Variants in CMTR1 observed in about 807,000 individuals in gnomAD.
CMTR1 encodes the protein cap methyltransferase 1.
CMTR1 carries 39 observed loss-of-function variants against 107.0 expected under a neutral mutation model. The observed-to-expected ratio is 0.36, with a 90% CI of 0.28 to 0.48. The LOEUF (loss-of-function observed/expected upper bound fraction) is 0.48, where lower values mean the gene tolerates loss of function less well. CMTR1 is among the 20% of genes least tolerant of loss of function. The probability of loss-of-function intolerance (pLI) is 0.99; values close to 1 mark genes in which losing one functional copy is unlikely to be tolerated. For missense variants in CMTR1, 672 were observed against 1,064.9 expected, an observed-to-expected ratio of 0.63 and a Z score of 5.14; for synonymous variants, 366 against 379.5, an observed-to-expected ratio of 0.96 and a Z score of 0.41.
intron 2 of CMTR1, among the ~76,000 whole-genome samples, chr6:37,443,352 T>C (rs1771713083): frequency 6.7e-6 from 1 of 150,114 alleles, no homozygotes; most frequent in Non-Finnish European, 1.5e-5. Context: ...TTTGACAATG[T>C]ACTTTCTTTT....
Position 37,472,737 on chromosome 6 carries a change from A to C in CMTR1, c.1689+250A>C, listed in dbSNP as rs1312211045. Among the ~76,000 whole-genome samples the C allele has an allele frequency of 6.6e-6, 1 of 152,218 alleles. No homozygotes were observed. Among genetic ancestry groups the C allele is most frequent in the African/African-American group, 2.4e-5 (1 of 41,460 alleles). ...CTTGGGCTCAGCATTCCTGCCACCC[A>C]AAGGGTGGTTCTGGCTGTGTCACCC... On this transcript the variant is annotated intron_variant, in intron 16 of 23. Transcript: ENST00000373451. This position sits in a 1 kb window ranked among gnomAD's most constrained non-coding sequence, Gnocchi z 4.1.
At chr6:37,469,614 G>A (rs1179101439) in intron 13 of CMTR1, among the ~76,000 whole-genome samples, 5 of 123,332 alleles carry the variant, frequency 4.1e-5, no homozygotes, top group South Asian at 2.9e-4. Context: ...TGCCACCTCC[G>A]CCTCTGGGGT....
Position 37,473,436 on chromosome 6 carries a change from A to G in CMTR1, c.1690-34A>G, listed in dbSNP as rs778134941. The stretch of plus-strand genomic sequence containing the variant: ...GGCACCCATACTGTCCCTTCCCCCA[A>G]CCCGGCAGTGTTTTCTCTGACTCGT... On this transcript the variant is annotated intron_variant, in intron 16 of 23. Coordinates refer to ENST00000373451, the MANE Select transcript of CMTR1 (RefSeq NM_015050.3). The G allele has an allele frequency of 2.1e-5, 34 of 1,602,238 alleles. No homozygotes were observed. In the South Asian group the frequency reaches 2.3e-4, roughly 11 times the overall value.
At chr6:37,425,296 T>C in the CMTR1 span, among the ~76,000 whole-genome samples, 1 of 89,458 alleles carries the variant, frequency 1.1e-5, no homozygotes, top group Non-Finnish European at 2.2e-5. Flanking sequence ...CAATAAATTC[T>C]TTCTTTTTTT....
chr6:37,464,939 CAATA>C (rs1319568614), intron 13 of CMTR1, among the ~76,000 whole-genome samples: 8 of 141,988 alleles, frequency 5.6e-5, no homozygotes, highest in Non-Finnish European at 1.1e-4. Context: ...TACAGACAAA[CAATA>C]AAACAATGTA....
intron 5 of CMTR1, among the ~76,000 whole-genome samples, 153 bp from the exon 6 acceptor site, chr6:37,451,653 G>A (rs1334194130): frequency 1.3e-5 from 2 of 152,134 alleles, no homozygotes; most frequent in African/African-American, 2.4e-5. Flanking sequence ...AGGGATTTAG[G>A]ATTTTCTCTT....
chr6:37,452,984 G>C, intron 6 of CMTR1, 63 bp from the exon 7 acceptor site: 1 of 1,460,608 alleles, frequency 6.8e-7, no homozygotes, highest in Non-Finnish European at 9.6e-7. Flanking sequence ...GTTGGGCACT[G>C]CAGGGTCTTA....
At chr6:37,461,410 A>G (rs1761401282) in intron 10 of CMTR1, 139 bp from the exon 11 acceptor site, 1 of 547,500 alleles carries the variant, frequency 1.8e-6, no homozygotes, top group Non-Finnish European at 3.3e-6. Context: ...AAATAACTCA[A>G]CACTGAGCTG....
chr6:37,480,225 C>A lies in CMTR1; in HGVS notation c.*80C>A. The A allele has an allele frequency of 6.4e-7, 1 of 1,558,994 alleles. No homozygotes were observed. The highest frequency in any genetic ancestry group is 1.2e-5 in the South Asian group (1 of 82,650). On this transcript the variant is annotated 3_prime_UTR_variant, in exon 24 of 24. Transcript: ENST00000373451. ...CACCTGGGGCCCACAGTGCTGGCTT[C>A]TTCCCCCTCTTGAAAAGGGACTGGG...
At chr6:37,449,234 C>G (rs1200851646) in intron 4 of CMTR1, among the ~76,000 whole-genome samples, 1 of 151,888 alleles carries the variant, frequency 6.6e-6, no homozygotes, top group African/African-American at 2.4e-5. Flanking sequence ...GTGTGAGCTA[C>G]TGGGCCCAGC....
At chr6:37,461,864 C>T in intron 11 of CMTR1, 106 bp from the exon 12 acceptor site, 3 of 1,285,012 alleles carry the variant, frequency 2.3e-6, no homozygotes, top group Non-Finnish European at 3.3e-6. Context: ...TTTAACAGAC[C>T]CAGGTGCTGG....
At chr6:37,428,994 CA>C (rs1771329652), upstream of CMTR1, among the ~76,000 whole-genome samples, 1 of 152,084 alleles carries the variant, frequency 6.6e-6, no homozygotes, top group Non-Finnish European at 1.5e-5. Context: ...TTTTTAGCGC[CA>C]AATATTTTTT....
intron 13 of CMTR1, among the ~76,000 whole-genome samples, chr6:37,470,792 A>G (rs932990623): frequency 6.6e-6 from 1 of 152,190 alleles, no homozygotes; most frequent in East Asian, 1.9e-4. Context: ...TCCTTTTAGT[A>G]GGACTTGGGA....
At chr6:37,477,563 T>G (rs775682596) in intron 20 of CMTR1, 29 bp from the exon 21 acceptor site, 1 of 1,605,178 alleles carries the variant, frequency 6.2e-7, no homozygotes, top group East Asian at 2.2e-5. Flanking sequence ...CAGGAAGCCT[T>G]TGTCTTGTCT....
intron 8 of CMTR1, among the ~76,000 whole-genome samples, chr6:37,453,540 G>A (rs1761228266): frequency 6.6e-6 from 1 of 152,124 alleles, no homozygotes; most frequent in Admixed American, 6.5e-5. Context: ...CCCTACAGAA[G>A]GTAGAGTGGA....
intron 21 of CMTR1, 89 bp downstream of exon 21, chr6:37,477,728 T>TGGGG: frequency 4.9e-6 from 1 of 203,056 alleles, no homozygotes; most frequent in Non-Finnish European, 9.6e-6. Context: ...ATAAGATGGG[T>TGGGG]CGGGGGCGGG....
chr6:37,469,950 A>G (rs1166160906), intron 13 of CMTR1, among the ~76,000 whole-genome samples: 1 of 134,710 alleles, frequency 7.4e-6, no homozygotes, highest in Admixed American at 7.2e-5. Context: ...TTCCTCTTTT[A>G]TGTTTCAGTT....
intron 1 of CMTR1, among the ~76,000 whole-genome samples, chr6:37,435,258 T>C (rs1299848873): frequency 6.6e-6 from 1 of 152,214 alleles, no homozygotes; most frequent in African/African-American, 2.4e-5. Flanking sequence ...TCATTTTCAG[T>C]GTACATTGTC....
At chr6:37,470,133 T>G (rs976061737) in intron 13 of CMTR1, among the ~76,000 whole-genome samples, 3 of 152,132 alleles carry the variant, frequency 2.0e-5, no homozygotes, top group Non-Finnish European at 4.4e-5. Flanking sequence ...TCTTCACCTT[T>G]TTATATATGT....
Sources: allele counts gnomAD v4.1 joint callset (sites outside exome capture counted in the v4.1 genomes callset), GRCh38; gene constraint gnomAD v4.1.1; non-coding constraint Gnocchi (gnomAD v3.1); transcripts MANE v1.5; gene names NCBI Gene and HGNC (gene_info 2026-07-23, HGNC 2026-07-21).